The following ADAMTS9 variants were observed in gnomAD, a reference collection of about 807,000 sequenced individuals.
ADAMTS9 encodes the protein A disintegrin and metalloproteinase with thrombospondin motifs 9.
In ADAMTS9, 107 loss-of-function variants were observed where a neutral mutation model predicts 257.1. The ratio of observed to expected loss-of-function variants is 0.42; its 90% confidence interval spans 0.36 to 0.49. The LOEUF is 0.49. Ranked by LOEUF, ADAMTS9 falls within the 20% of genes least tolerant of loss-of-function variation. The pLI is 0.03. For synonymous variants in ADAMTS9, 982 were observed against 880.9 expected (o/e 1.11, Z -2.03); for missense variants, 2,353 against 2,469.1 (o/e 0.95, Z 1.00).
intron 32 of ADAMTS9, among the ~76,000 whole-genome samples, chr3:64,543,715 G>A (rs2083157410): frequency 6.6e-6 from 1 of 152,168 alleles, no homozygotes; most frequent in African/African-American, 2.4e-5. Flanking sequence ...CACAAGACAG[G>A]GATGCCCCCT....
chr3:64,540,125 T>C (rs1251449939), intron 36 of ADAMTS9, among the ~76,000 whole-genome samples: 3 of 152,240 alleles, frequency 2.0e-5, no homozygotes, highest in African/African-American at 7.2e-5. Context: ...AAAGGGGACC[T>C]TGCCTGCTTC....
chr3:64,610,814 G>A (rs2084651326), intron 22 of ADAMTS9, among the ~76,000 whole-genome samples: 1 of 151,994 alleles, frequency 6.6e-6, no homozygotes, highest in Non-Finnish European at 1.5e-5. Context: ...CGGTGTCTTA[G>A]GCCTGTAATC....
At chr3:64,521,035 T>G (rs1033078294) in intron 39 of ADAMTS9, among the ~76,000 whole-genome samples, 1 of 152,026 alleles carries the variant, frequency 6.6e-6, no homozygotes, top group African/African-American at 2.4e-5. Context: ...GAAAACATTT[T>G]TAACCTATAC....
At chr3:64,605,319 T>C (rs532696320) in intron 23 of ADAMTS9, among the ~76,000 whole-genome samples, 1 of 152,360 alleles carries the variant, frequency 6.6e-6, no homozygotes, top group African/African-American at 2.4e-5. Flanking sequence ...CAGTTCATGA[T>C]TGCTTTAGAT....
At chr3:64,563,181 G>T (rs1471088311) in intron 29 of ADAMTS9, 1 of 152,138 alleles carries the variant, frequency 6.6e-6, no homozygotes, top group Non-Finnish European at 1.5e-5. Flanking sequence ...ATAGAGAATG[G>T]CCATTTAATG....
At chr3:64,591,098 C>T (rs1342438639) in intron 28 of ADAMTS9, among the ~76,000 whole-genome samples, 2 of 152,120 alleles carry the variant, frequency 1.3e-5, no homozygotes, top group Non-Finnish European at 1.5e-5. Context: ...TACTTAATGT[C>T]CTCCTGGGAC....
At chr3:64,524,424 G>A (rs2082885657) in intron 38 of ADAMTS9, among the ~76,000 whole-genome samples, 1 of 152,164 alleles carries the variant, frequency 6.6e-6, no homozygotes, top group Non-Finnish European at 1.5e-5. Flanking sequence ...CAATATCAAT[G>A]CATGTAGAAA....
At position 64,550,935 on chromosome 3, in the gene ADAMTS9, A is replaced by ACG; in HGVS notation, c.4825_4826insCG (p.Leu1609SerfsTer19). The stretch of plus-strand genomic sequence containing the variant: ...GATCCAGACATACTCGCAGGGTTGC[A>ACG]AACTACAGCTTTCACGGTCCACCGG... On this transcript the variant is annotated frameshift_variant, in exon 31 of 40. Coordinates refer to ENST00000498707, the MANE Select transcript of ADAMTS9 (RefSeq NM_182920.2). LOFTEE classifies it high-confidence loss of function. 6.2e-7 allele frequency: 1 copy of ACG among 1,614,184 alleles called. No homozygotes were observed. Among genetic ancestry groups the ACG allele is most frequent in the Non-Finnish European group, 8.5e-7 (1 of 1,180,022 alleles).
intron 28 of ADAMTS9, among the ~76,000 whole-genome samples, chr3:64,586,567 G>A (rs2084159306): frequency 6.6e-6 from 1 of 152,052 alleles, no homozygotes; most frequent in South Asian, 2.1e-4. Flanking sequence ...CTAAACGGGG[G>A]GAAAACACTC....
At chr3:64,602,989 G>A (rs919527761) in intron 25 of ADAMTS9, among the ~76,000 whole-genome samples, 3 of 152,168 alleles carry the variant, frequency 2.0e-5, no homozygotes, top group African/African-American at 7.2e-5. Flanking sequence ...ACTGACGGAT[G>A]GACAGATGGA....
intron 3 of ADAMTS9, among the ~76,000 whole-genome samples, chr3:64,664,614 C>T (rs13085005): frequency 0.25 from 38,570 of 152,086 alleles, 5,450 homozygotes; most frequent in Admixed American, 0.35. Flanking sequence ...TATTCCATTA[C>T]TTGTTACTGT....
intron 26 of ADAMTS9, among the ~76,000 whole-genome samples, chr3:64,600,051 C>CTTTT (rs35753372): frequency 6.4e-4 from 67 of 104,146 alleles, no homozygotes; most frequent in East Asian, 1.2e-3. Flanking sequence ...AGTTTCTGTT[C>CTTTT]TTTTTTTTTT....
At chr3:64,527,958 T>C (rs1366311923) in intron 38 of ADAMTS9, among the ~76,000 whole-genome samples, 3 of 152,238 alleles carry the variant, frequency 2.0e-5, no homozygotes, top group Non-Finnish European at 2.9e-5. Flanking sequence ...TGCAAGTGAA[T>C]TGAAGGATAG....
At chr3:64,541,698 G>T in intron 33 of ADAMTS9, 78 bp from the exon 34 acceptor site, 2 of 1,556,088 alleles carry the variant, frequency 1.3e-6, no homozygotes, top group Admixed American at 1.7e-5. Flanking sequence ...GAATGACATT[G>T]TTCGCACTAA....
chr3:64,615,088 A>G lies in ADAMTS9; in HGVS notation c.3189+233T>C, dbSNP rs898791957. 9.4e-5 allele frequency: 42 copies of G among 447,820 alleles called. No homozygotes were observed. In the Middle Eastern group the frequency reaches 1.7e-3, roughly 18 times the overall value. The allele number at this position is 447,820 out of a possible 1,614,324, so 27.7% of individuals were successfully genotyped here. ...CTTCAAAATCACAACAGAAGCTACA[A>G]CAGTGAGTGATCTAGCCAAGCCCAA... On this transcript the variant is annotated intron_variant, in intron 21 of 39. Coordinates refer to ENST00000498707, the MANE Select transcript of ADAMTS9 (RefSeq NM_182920.2).
At chr3:64,587,154 T>C (rs914359655) in intron 28 of ADAMTS9, 2 of 152,158 alleles carry the variant, frequency 1.3e-5, no homozygotes, top group South Asian at 2.1e-4. Context: ...CTGGTTCTGA[T>C]AGGCCATCTT....
At chr3:64,608,258 C>CAAAAAAAAAAAAAAAAAAACA (rs57247914) in intron 22 of ADAMTS9, among the ~76,000 whole-genome samples, 1 of 53,312 alleles carries the variant, frequency 1.9e-5, no homozygotes, top group Non-Finnish European at 3.9e-5. Context: ...AAACTAAAAC[C>CAAAAAAAAAAAAAAAAAAACA]AAAAAAAAAA....
rs561438391 is a variant in ADAMTS9 at position 64,686,721 on chromosome 3, A to G, written c.363T>C (p.Ala121=). 2 of 1,614,190 alleles carry G rather than the reference A, an allele frequency of 1.2e-6. No homozygotes were observed. The highest frequency in any genetic ancestry group is 1.1e-5 in the South Asian group (1 of 91,082). Residue 121 remains alanine (A), a synonymous_variant, in exon 2 of 40, where the codon GCT becomes GCC. Coordinates refer to ENST00000498707, the MANE Select transcript of ADAMTS9 (RefSeq NM_182920.2). This position sits in a 1 kb window ranked among gnomAD's most constrained non-coding sequence, Gnocchi z 4.6. The stretch of plus-strand genomic sequence containing the variant: ...CGAGGAGGGTGACAGTGAACAGTGG[A>G]GCGATAAATCCGGCATTGGCGGTGA... ...FNLTANAGFI[A]PLFTVTLLGT... is the part of the protein sequence containing the mutation.
At chr3:64,631,414 A>C in intron 16 of ADAMTS9, 41 bp downstream of exon 16, 1 of 1,528,530 alleles carries the variant, frequency 6.5e-7, no homozygotes, top group Non-Finnish European at 9.1e-7. Flanking sequence ...CCACTGCTCC[A>C]TAGAACCAGA....
Sources: allele counts gnomAD v4.1 joint callset (sites outside exome capture counted in the v4.1 genomes callset), GRCh38; gene constraint gnomAD v4.1.1; non-coding constraint Gnocchi (gnomAD v3.1); transcripts MANE v1.5; gene names NCBI Gene and HGNC (gene_info 2026-07-23, HGNC 2026-07-21).